Variants in COL19A1 observed in about 807,000 individuals in gnomAD.
COL19A1 encodes collagen alpha-1(XIX) chain.
COL19A1 carries 159 observed loss-of-function variants against 190.2 expected under a neutral mutation model. The observed-to-expected ratio is 0.84, with a 90% CI of 0.73 to 0.95. The LOEUF is 0.95. Among genes scored for constraint, COL19A1 ranks in the 40% least tolerant of loss-of-function variants. The pLI is 0.00. For missense variants in COL19A1, 1,418 were observed against 1,431.9 expected, an observed-to-expected ratio of 0.99 and a Z score of 0.16; for synonymous variants, 509 against 458.9, an observed-to-expected ratio of 1.11 and a Z score of -1.39.
At chr6:70,007,509 G>A (rs1450294963) in intron 11 of COL19A1, among the ~76,000 whole-genome samples, 3 of 151,938 alleles carry the variant, frequency 2.0e-5, no homozygotes, top group Non-Finnish European at 4.4e-5. Flanking sequence ...TGATAAAAGG[G>A]CCAATATAGC....
intron 1 of COL19A1, among the ~76,000 whole-genome samples, chr6:69,877,340 A>G (rs1484602533): frequency 1.3e-5 from 2 of 152,224 alleles, no homozygotes; most frequent in African/African-American, 4.8e-5. Flanking sequence ...GGTCCTATTT[A>G]CTAAATCTTT....
intron 16 of COL19A1, among the ~76,000 whole-genome samples, chr6:70,107,149 A>G (rs1416122400): frequency 2.0e-5 from 3 of 152,216 alleles, no homozygotes; most frequent in Non-Finnish European, 4.4e-5. Flanking sequence ...AAACACAGGA[A>G]CTGATCCCTA....
intron 11 of COL19A1, among the ~76,000 whole-genome samples, chr6:69,988,979 A>G (rs1469325911): frequency 6.6e-6 from 1 of 152,198 alleles, no homozygotes; most frequent in Non-Finnish European, 1.5e-5. Flanking sequence ...GGCTTTGCAC[A>G]GGTCTGAAAC....
At position 70,206,822 on chromosome 6, in the gene COL19A1, T is replaced by G. The variant is rs1369387875; in HGVS notation, c.3224-79T>G. On this transcript the variant is annotated intron_variant, in intron 49 of 50. Transcript: ENST00000620364. ...AATGTATCACATAATTATCACAGAC[T>G]CAGAAAATGGTTCTTCTCTGTGCTG... The G allele has an allele frequency of 3.3e-6, 4 of 1,197,166 alleles. No homozygotes were observed. In the Admixed American group the frequency reaches 9.7e-5, roughly 29 times the overall value. The allele number at this position is 1,197,166 out of a possible 1,614,324, so 74.2% of individuals were successfully genotyped here.
chr6:70,037,163 T>C (rs2150119463), intron 14 of COL19A1, among the ~76,000 whole-genome samples: 1 of 152,264 alleles, frequency 6.6e-6, no homozygotes, highest in African/African-American at 2.4e-5. Flanking sequence ...TTTTATTTTA[T>C]TTTATTTTTT....
intron 11 of COL19A1, among the ~76,000 whole-genome samples, chr6:69,971,571 A>G (rs1219155950): frequency 1.3e-5 from 2 of 152,208 alleles, no homozygotes; most frequent in Non-Finnish European, 2.9e-5. Flanking sequence ...ATATTCTTGA[A>G]CAAGTTAGGA....
At position 69,909,551 on chromosome 6, in the gene COL19A1, G is replaced by A. The variant is rs180738698; in HGVS notation, c.266+9213G>A. 2.3e-3 allele frequency among the ~76,000 whole-genome samples: 349 copies of A among 152,192 alleles called. 1 individual carries two copies. Among genetic ancestry groups the A allele is most frequent in the Non-Finnish European group, 3.7e-3 (251 of 67,958 alleles). ...GAGAGTCAGAGATGAATCAAGTTCT[G>A]GGGAGAAGAAAGACATCTAAGGTGA... On this transcript the variant is annotated intron_variant, in intron 4 of 50. Transcript: ENST00000620364.
chr6:70,111,666 A>G (rs1029118246), intron 16 of COL19A1, among the ~76,000 whole-genome samples: 4 of 152,144 alleles, frequency 2.6e-5, no homozygotes, highest in Admixed American at 6.6e-5. Flanking sequence ...TCCTTTGTGG[A>G]ATGGGGCCAC....
At chr6:70,171,835 A>G (rs1256730235) in intron 40 of COL19A1, 129 bp from the exon 41 acceptor site, 2 of 730,108 alleles carry the variant, frequency 2.7e-6, no homozygotes, top group African/African-American at 3.5e-5. Flanking sequence ...AGGGCATATC[A>G]TTTCCTTGCT....
intron 15 of COL19A1, among the ~76,000 whole-genome samples, chr6:70,088,091 T>C (rs1284996550): frequency 6.6e-6 from 1 of 152,178 alleles, no homozygotes; most frequent in African/African-American, 2.4e-5. Context: ...CACAGAAGAA[T>C]GGGTAGACCT....
intron 2 of COL19A1, among the ~76,000 whole-genome samples, chr6:69,894,396 T>C (rs1769573492): frequency 6.6e-6 from 1 of 152,230 alleles, no homozygotes; most frequent in Non-Finnish European, 1.5e-5. Context: ...AAGCAGTTTG[T>C]AACCTTAAAA....
chr6:70,114,947 T>C (rs548892348), intron 16 of COL19A1, among the ~76,000 whole-genome samples: 4 of 152,360 alleles, frequency 2.6e-5, no homozygotes, highest in African/African-American at 9.6e-5. Flanking sequence ...GTCCATCAGA[T>C]TAGCACTGAA....
intron 7 of COL19A1, among the ~76,000 whole-genome samples, chr6:69,934,096 TG>T (rs1772953867): frequency 1.3e-5 from 2 of 152,028 alleles, no homozygotes; most frequent in Admixed American, 6.6e-5. Flanking sequence ...AATAAGAATG[TG>T]ACCAAAGCAT....
intron 11 of COL19A1, among the ~76,000 whole-genome samples, chr6:69,965,311 G>A (rs1215892733): frequency 1.3e-5 from 2 of 151,992 alleles, no homozygotes; most frequent in African/African-American, 2.4e-5. Context: ...ACATAGTTAC[G>A]GTCAAAATAT....
At chr6:69,938,252 G>A (rs974535798) in intron 9 of COL19A1, 152 bp downstream of exon 9, 2 of 724,098 alleles carry the variant, frequency 2.8e-6, no homozygotes, top group Non-Finnish European at 4.5e-6. Flanking sequence ...TACTGAAATA[G>A]AGACTATCAG....
At chr6:70,111,706 T>G (rs137906475) in intron 16 of COL19A1, among the ~76,000 whole-genome samples, 1 of 152,116 alleles carries the variant, frequency 6.6e-6, no homozygotes, top group African/African-American at 2.4e-5. Context: ...ATTAACTATT[T>G]TTTAGAACTT....
chr6:69,973,610 G>A (rs914152191), intron 11 of COL19A1, among the ~76,000 whole-genome samples: 11 of 134,188 alleles, frequency 8.2e-5, no homozygotes, highest in African/African-American at 2.9e-4. Context: ...AAAAAAAGAT[G>A]TGTTTTTTTA....
At chr6:70,068,227 A>C (rs1781358969) in intron 14 of COL19A1, among the ~76,000 whole-genome samples, 196 bp from the exon 15 acceptor site, 1 of 151,726 alleles carries the variant, frequency 6.6e-6, no homozygotes, top group African/African-American at 2.4e-5. Context: ...TTCTTTCTGG[A>C]GTTAGCTACA....
intron 16 of COL19A1, among the ~76,000 whole-genome samples, chr6:70,102,673 A>G (rs988542172): frequency 6.6e-6 from 1 of 152,190 alleles, no homozygotes; most frequent in Admixed American, 6.5e-5. Flanking sequence ...AAAAAGTGCT[A>G]TAAAGATCAT....
Sources: gnomAD v4.1 joint callset for allele counts (sites outside exome capture counted in the v4.1 genomes callset) on GRCh38, gnomAD v4.1.1 for gene constraint, MANE v1.5 for transcripts, NCBI Gene and HGNC (gene_info 2026-07-23, HGNC 2026-07-21) for gene names.